VAX2: variants seen among roughly 807,000 people sequenced by gnomAD.
VAX2 encodes ventral anterior homeobox 2.
VAX2 carries 8 observed loss-of-function variants against 12.5 expected under a neutral mutation model. The ratio of observed to expected loss-of-function variants is 0.64; its 90% confidence interval spans 0.37 to 1.15. VAX2 has a LOEUF of 1.15. Ranked by LOEUF, VAX2 falls within the 50% of genes most tolerant of loss-of-function variation. The probability of loss-of-function intolerance (pLI) is 0.01; values close to 1 mark genes in which losing one functional copy is unlikely to be tolerated. For synonymous variants in VAX2, 183 were observed against 187.6 expected (o/e 0.98, Z 0.20); for missense variants, 476 against 412.9 (o/e 1.15, Z -1.32).
rs782111576 is a variant in VAX2 at position 70,933,148 on chromosome 2, A to T, written c.817A>T (p.Ser273Cys). 1 of 1,574,634 alleles carries T rather than the reference A, an allele frequency of 6.4e-7. No individual in the cohort carries two copies. The highest frequency in any genetic ancestry group is 8.6e-7 in the Non-Finnish European group (1 of 1,162,848). ...ELGSSAFEPYSWLERKVGSAS... is the reference protein window; with the variant it reads ...ELGSSAFEPYCWLERKVGSAS... ...GGGTTCCTCGGCCTTCGAGCCATAC[A>T]GCTGGCTAGAACGGAAAGTGGGCAG... Residue 273 changes from serine (S) to cysteine (C), a missense_variant, in exon 3 of 3, where the codon AGC becomes TGC. Physicochemically the swap from Ser to Cys is moderately radical, Grantham distance 112. Coordinates refer to ENST00000234392, the MANE Select transcript of VAX2 (RefSeq NM_012476.3).
At chr2:70,927,574 G>A (rs1679602027) in intron 2 of VAX2, among the ~76,000 whole-genome samples, 1 of 151,154 alleles carries the variant, frequency 6.6e-6, no homozygotes, top group South Asian at 2.1e-4. Context: ...ACAGAAAACA[G>A]TCTTCAAAAG....
In VAX2 at chr2:70,921,017, A is replaced by G. The variant is rs1452071861; in HGVS notation, c.248-81A>G. 7 of 1,421,294 alleles carry G rather than the reference A, an allele frequency of 4.9e-6. No homozygotes were observed. The African/African-American group carries it at 7.3e-5, about 15-fold the overall frequency. 88.0% of individuals were successfully genotyped at this position (1,421,294 alleles called of 1,614,324 possible). A position where few individuals can be genotyped will look rare whatever the true frequency, so the allele number is the denominator to read the frequency against. ...CCTGAGGAGCTCTGCGATAGATCAC[A>G]CCACCTTTTATTAAGATGCTTTCTG... is the stretch of plus-strand genomic sequence containing the variant. On this transcript the variant is annotated intron_variant, in intron 1 of 2. Transcript: ENST00000234392.
chr2:70,900,592 G>A lies in VAX2; in HGVS notation c.-30G>A. The A allele has an allele frequency of 8.0e-7, 1 of 1,244,548 alleles. No individual in the cohort carries two copies. Among genetic ancestry groups the A allele is most frequent in the Non-Finnish European group, 1.0e-6 (1 of 994,492 alleles). The allele number at this position is 1,244,548 out of a possible 1,614,324, so 77.1% of individuals were successfully genotyped here. ...CTCCCGGCCAGCGTAGGCTGGCTCCGCCGTAGAGGGGTTGGCAGTGGCGGT... is the reference window on the plus strand; with the variant it reads ...CTCCCGGCCAGCGTAGGCTGGCTCCACCGTAGAGGGGTTGGCAGTGGCGGT... On this transcript the variant is annotated 5_prime_UTR_variant, in exon 1 of 3. Coordinates refer to ENST00000234392, the MANE Select transcript of VAX2 (RefSeq NM_012476.3).
At chr2:70,927,635 A>G (rs1464605876) in intron 2 of VAX2, among the ~76,000 whole-genome samples, 1 of 152,006 alleles carries the variant, frequency 6.6e-6, no homozygotes, top group East Asian at 1.9e-4. Context: ...GATATTGACC[A>G]TGAGCCCAAA....
At chr2:70,912,807 C>T (rs1679218567) in intron 1 of VAX2, among the ~76,000 whole-genome samples, 1 of 152,084 alleles carries the variant, frequency 6.6e-6, no homozygotes, top group South Asian at 2.1e-4. Context: ...GAAGCATAAG[C>T]TAACTACTAT....
At chr2:70,925,667 C>T (rs1327591509) in intron 2 of VAX2, among the ~76,000 whole-genome samples, 4 of 152,068 alleles carry the variant, frequency 2.6e-5, no homozygotes, top group South Asian at 4.2e-4. Context: ...CTTCAAGTGC[C>T]CTCAGATAAT....
intron 1 of VAX2, among the ~76,000 whole-genome samples, chr2:70,906,243 G>A (rs568131729): frequency 6.6e-6 from 1 of 152,344 alleles, no homozygotes; most frequent in African/African-American, 2.4e-5. Context: ...ATCCGGGAAG[G>A]CAGTTGGGGG....
chr2:70,913,344 G>A (rs1264691985), intron 1 of VAX2, among the ~76,000 whole-genome samples: 3 of 152,186 alleles, frequency 2.0e-5, no homozygotes, highest in Non-Finnish European at 4.4e-5. Flanking sequence ...CCCAACACTC[G>A]TCTTTGCCTT....
At chr2:70,931,213 G>A (rs1202767099) in intron 2 of VAX2, among the ~76,000 whole-genome samples, 1 of 152,228 alleles carries the variant, frequency 6.6e-6, no homozygotes, top group Admixed American at 6.5e-5. Flanking sequence ...GTGTTGGGTA[G>A]TAGAGGCAGG....
intron 1 of VAX2, among the ~76,000 whole-genome samples, chr2:70,916,174 G>A (rs938153256): frequency 2.2e-4 from 33 of 152,072 alleles, no homozygotes; most frequent in African/African-American, 7.5e-4. Flanking sequence ...CTAGCTTTGT[G>A]GCATGCTTTT....
At chr2:70,909,760 T>C (rs1324632765) in intron 1 of VAX2, among the ~76,000 whole-genome samples, 1 of 152,198 alleles carries the variant, frequency 6.6e-6, no homozygotes, top group Non-Finnish European at 1.5e-5. Context: ...CTGTATAGGA[T>C]TCCGTTATGT....
Position 70,933,002 on chromosome 2 carries a change from A to G in VAX2, c.671A>G (p.Asn224Ser), listed in dbSNP as rs1553414583. The G allele has an allele frequency of 1.3e-6, 2 of 1,594,748 alleles. No homozygotes were observed. Among genetic ancestry groups the G allele is most frequent in the Admixed American group, 1.7e-5 (1 of 57,856 alleles). Residue 224 changes from asparagine to serine, a missense_variant, in exon 3 of 3, where the codon AAC (asparagine) becomes AGC (serine). Transcript: ENST00000234392. ...GGCACCTCCTTAGGTGACCCCAGGA[A>G]CTCCTCCCCACGCCTCAACCCGCTG... is the stretch of plus-strand genomic sequence containing the variant. ...HRGTSLGDPRNSSPRLNPLSS... is the reference protein window; with the variant it reads ...HRGTSLGDPRSSSPRLNPLSS...
In VAX2 at chr2:70,909,417, G is replaced by C. The variant is rs577144819; in HGVS notation, c.247+8549G>C. ...GGGTTTCACCATATTGAGGAGGCCA[G>C]TCTCAAACTCTTGGCCTCAAGCAAT... On this transcript the variant is annotated intron_variant, in intron 1 of 2. Coordinates refer to ENST00000234392, the MANE Select transcript of VAX2 (RefSeq NM_012476.3). Among the ~76,000 whole-genome samples the C allele has an allele frequency of 7.9e-5, 12 of 152,004 alleles. 1 individual carries two copies. The South Asian group carries it at 2.5e-3, about 32-fold the overall frequency.
At chr2:70,905,835 G>A (rs1679045703) in intron 1 of VAX2, among the ~76,000 whole-genome samples, 1 of 152,216 alleles carries the variant, frequency 6.6e-6, no homozygotes, top group African/African-American at 2.4e-5. Flanking sequence ...GTCAGTCAAA[G>A]CCACCGGGCT....
At chr2:70,901,015 G>A in intron 1 of VAX2, 147 bp downstream of exon 1, 1 of 951,840 alleles carries the variant, frequency 1.1e-6, no homozygotes, top group Non-Finnish European at 1.4e-6. Flanking sequence ...TATTTTGAGC[G>A]TCTATTGTGT....
intron 1 of VAX2, among the ~76,000 whole-genome samples, chr2:70,901,705 C>T (rs1368040315): frequency 6.6e-6 from 1 of 152,382 alleles, no homozygotes; most frequent in African/African-American, 2.4e-5. Flanking sequence ...CAGCCTTTCG[C>T]AATGCCAAGG....
At chr2:70,915,522 G>A (rs1486143037) in intron 1 of VAX2, among the ~76,000 whole-genome samples, 1 of 152,152 alleles carries the variant, frequency 6.6e-6, no homozygotes, top group Non-Finnish European at 1.5e-5. Context: ...GAGCCACCAC[G>A]CCTAGCCTAC....
At chr2:70,910,805 C>CAAAAA (rs34270321) in intron 1 of VAX2, among the ~76,000 whole-genome samples, 2 of 146,338 alleles carry the variant, frequency 1.4e-5, no homozygotes, top group African/African-American at 5.0e-5. Flanking sequence ...CAAAACAAAA[C>CAAAAA]AAAAAACCCA....
chr2:70,909,226 C>G (rs1189303614), intron 1 of VAX2, among the ~76,000 whole-genome samples: 1 of 152,026 alleles, frequency 6.6e-6, no homozygotes, highest in Non-Finnish European at 1.5e-5. Context: ...AGTGCAGTGG[C>G]CCAACAATAG....
Sources: gnomAD v4.1 joint callset for allele counts (sites outside exome capture counted in the v4.1 genomes callset) on GRCh38, gnomAD v4.1.1 for gene constraint, MANE v1.5 for transcripts, NCBI Gene and HGNC (gene_info 2026-07-23, HGNC 2026-07-21) for gene names.